SFXN4: variants seen among roughly 807,000 people sequenced by gnomAD.
SFXN4 encodes the protein sideroflexin 4.
In SFXN4, 48 loss-of-function variants were observed where a neutral mutation model predicts 54.6. That is an observed-to-expected ratio of 0.88 (90% CI 0.70 to 1.12). SFXN4 has a LOEUF of 1.12. Among genes scored for constraint, SFXN4 ranks in the 50% most tolerant of loss-of-function variants. The probability of loss-of-function intolerance (pLI) is 0.00; values close to 1 mark genes in which losing one functional copy is unlikely to be tolerated. For missense variants in SFXN4, 383 were observed against 409.2 expected (o/e 0.94, Z 0.55); for synonymous variants, 130 against 145.5 (o/e 0.89, Z 0.77).
intron 5 of SFXN4, among the ~76,000 whole-genome samples, 192 bp downstream of exon 5, chr10:119,160,723 G>A (rs1847494330): frequency 6.6e-6 from 1 of 151,570 alleles, no homozygotes; most frequent in Admixed American, 6.6e-5. Context: ...AGCCTCCTGA[G>A]TAACTGGGAC....
At chr10:119,158,215 G>C in intron 6 of SFXN4, 153 bp from the exon 7 acceptor site, 1 of 699,898 alleles carries the variant, frequency 1.4e-6, no homozygotes, top group Non-Finnish European at 2.5e-6. Context: ...CCGGTCCGTA[G>C]ACAAGGTTGA....
chr10:119,146,785 C>T (rs1846832877), intron 12 of SFXN4, among the ~76,000 whole-genome samples: 1 of 152,176 alleles, frequency 6.6e-6, no homozygotes. Flanking sequence ...CCAGGATGGT[C>T]TAGAACTCCT....
At chr10:119,162,796 T>C (rs992181747) in intron 2 of SFXN4, among the ~76,000 whole-genome samples, 2 of 152,138 alleles carry the variant, frequency 1.3e-5, no homozygotes, top group Non-Finnish European at 2.9e-5. Flanking sequence ...CTTTCTTTCT[T>C]TTCTTATTGT....
At position 119,141,235 on chromosome 10, in the gene SFXN4, C is replaced by T; in HGVS notation, c.*7G>A. ...AGGAACCACATAAATTCACCTAAAA[C>T]TCACGCCTACACCCCTCTGTGATAA... On this transcript the variant is annotated 3_prime_UTR_variant, in exon 14 of 14. Coordinates refer to ENST00000355697, the MANE Select transcript of SFXN4 (RefSeq NM_213649.2). 1.9e-6 allele frequency: 3 copies of T among 1,602,354 alleles called. No individual in the cohort carries two copies. Among genetic ancestry groups the T allele is most frequent in the Non-Finnish European group, 2.6e-6 (3 of 1,173,264 alleles).
intron 6 of SFXN4, among the ~76,000 whole-genome samples, chr10:119,159,271 C>T (rs895063696): frequency 1.3e-5 from 2 of 150,702 alleles, no homozygotes; most frequent in African/African-American, 4.9e-5. Context: ...CAGAGCCAGA[C>T]TCTGTCTCGA....
At chr10:119,148,454 G>A (rs1210125380) in intron 11 of SFXN4, among the ~76,000 whole-genome samples, 3 of 152,042 alleles carry the variant, frequency 2.0e-5, no homozygotes, top group South Asian at 2.1e-4. Context: ...GAACCAAATG[G>A]TTCCTCAGTG....
rs929766014 is a variant in SFXN4 at position 119,156,883 on chromosome 10, G to A, written c.538-127C>T. The A allele has an allele frequency of 3.8e-5, 25 of 660,834 alleles. 2 individuals are homozygous for A. The highest frequency in any genetic ancestry group is 1.9e-4 in the South Asian group (11 of 57,090). The allele number at this position is 660,834 out of a possible 1,614,324, so 40.9% of individuals were successfully genotyped here. ...TCAGACCACTGCCAGTGCTCTTCAGGTATTTTTCAAATTCCTGCAACGTGG... is the reference window on the plus strand; with the variant it reads ...TCAGACCACTGCCAGTGCTCTTCAGATATTTTTCAAATTCCTGCAACGTGG... On this transcript the variant is annotated intron_variant, in intron 9 of 13. Coordinates refer to ENST00000355697, the MANE Select transcript of SFXN4 (RefSeq NM_213649.2).
rs748252950 is a variant in SFXN4 at position 119,147,756 on chromosome 10, A to G, written c.818+19T>C. ...TTGACTTTCAAATCCCTACCTGGGG[A>G]TATGACCGTGTCTCTTACCTTTTAA... On this transcript the variant is annotated intron_variant, in intron 12 of 13. Coordinates refer to ENST00000355697, the MANE Select transcript of SFXN4 (RefSeq NM_213649.2). 1 of 1,604,998 alleles carries G rather than the reference A, an allele frequency of 6.2e-7. No individual in the cohort carries two copies. The highest frequency in any genetic ancestry group is 1.1e-5 in the South Asian group (1 of 90,884).
intron 11 of SFXN4, among the ~76,000 whole-genome samples, chr10:119,154,521 C>T (rs1847200242): frequency 6.6e-6 from 1 of 152,082 alleles, no homozygotes; most frequent in Admixed American, 6.6e-5. Flanking sequence ...GCATGCTTTT[C>T]TTTTGAGAGA....
chr10:119,141,448 G>T, intron 13 of SFXN4, 129 bp from the exon 14 acceptor site: 1 of 411,924 alleles, frequency 2.4e-6, no homozygotes, highest in East Asian at 4.3e-5. Context: ...CTAATCTATA[G>T]CAGAAAATGT....
At position 119,153,392 on chromosome 10, in the gene SFXN4, G is replaced by A. The variant is rs555512896; in HGVS notation, c.732+1670C>T. ...CCATTGCACTCCAGCGACAGAAGGAGACCCTGTCTCAAAAAAAAAAAAAAG... is the reference window on the plus strand; with the variant it reads ...CCATTGCACTCCAGCGACAGAAGGAAACCCTGTCTCAAAAAAAAAAAAAAG... On this transcript the variant is annotated intron_variant, in intron 11 of 13. Transcript: ENST00000355697. Among the ~76,000 whole-genome samples the A allele has an allele frequency of 9.7e-5, 13 of 133,918 alleles. No homozygotes were observed. The East Asian group carries it at 2.8e-3, about 28-fold the overall frequency. The allele number at this position is 133,918 out of a possible 152,430, so 87.9% of individuals were successfully genotyped here.
At chr10:119,143,814 C>A (rs2133565576) in intron 13 of SFXN4, among the ~76,000 whole-genome samples, 1 of 152,236 alleles carries the variant, frequency 6.6e-6, no homozygotes, top group East Asian at 1.9e-4. Context: ...CGAGGTCTCA[C>A]TACATTCCCC....
At chr10:119,161,427 C>CAA (rs1254206919) in intron 3 of SFXN4, among the ~76,000 whole-genome samples, 1 of 116,686 alleles carries the variant, frequency 8.6e-6, no homozygotes, top group African/African-American at 3.7e-5. Flanking sequence ...ACAACAACAA[C>CAA]AAAAAAAAAC....
chr10:119,165,124 A>G, intron 1 of SFXN4: 1 of 762,880 alleles, frequency 1.3e-6, no homozygotes, highest in Non-Finnish European at 1.6e-6. Flanking sequence ...CGCTGCAGGG[A>G]GATAAGTCCT....
At chr10:119,158,287 C>A in intron 6 of SFXN4, 1 of 577,846 alleles carries the variant, frequency 1.7e-6, no homozygotes, top group Non-Finnish European at 3.1e-6. Flanking sequence ...AACAGCAGGC[C>A]GTGTCTCCAG....
chr10:119,150,450 G>A lies in SFXN4; in HGVS notation c.733-2590C>T, dbSNP rs1205637603. Among the ~76,000 whole-genome samples, 8 of 152,274 alleles carry A rather than the reference G, an allele frequency of 5.3e-5. No homozygotes were observed. The Middle Eastern group carries it at 0.014, about 259-fold the overall frequency. On this transcript the variant is annotated intron_variant, in intron 11 of 13. Coordinates refer to ENST00000355697, the MANE Select transcript of SFXN4 (RefSeq NM_213649.2). ...CCAGCGCTCTGGGAGGCCAAGGCAG[G>A]AGGATCACTTGATGCCAGGAGTTTG...
intron 6 of SFXN4, among the ~76,000 whole-genome samples, chr10:119,159,157 G>C (rs1428174823): frequency 6.6e-6 from 1 of 151,986 alleles, no homozygotes; most frequent in Non-Finnish European, 1.5e-5. Flanking sequence ...GTGAGCGCCT[G>C]TAATCCCAGC....
chr10:119,147,943 G>T, intron 11 of SFXN4, 83 bp from the exon 12 acceptor site: 1 of 1,081,326 alleles, frequency 9.2e-7, no homozygotes. Context: ...GGCCGAGGCG[G>T]GTAGATCGCT....
Position 119,159,761 on chromosome 10 carries a change from G to T in SFXN4, c.335-8C>A. On this transcript the variant is annotated splice_region_variant and splice_polypyrimidine_tract_variant and intron_variant, in intron 5 of 13. Coordinates refer to ENST00000355697, the MANE Select transcript of SFXN4 (RefSeq NM_213649.2). ...CCATGAAAGGCAGGAACGCTGGCAG[G>T]AAGAGAAGAGAGGAGGTGTCAGTGA... The T allele has an allele frequency of 6.2e-7, 1 of 1,613,560 alleles. No individual in the cohort carries two copies. Among genetic ancestry groups the T allele is most frequent in the Non-Finnish European group, 8.5e-7 (1 of 1,179,576 alleles).
Sources: allele counts gnomAD v4.1 joint callset (sites outside exome capture counted in the v4.1 genomes callset), GRCh38; gene constraint gnomAD v4.1.1; transcripts MANE v1.5; gene names NCBI Gene and HGNC (gene_info 2026-07-23, HGNC 2026-07-21).